The following CADM2 variants were observed in gnomAD, a reference collection of about 807,000 sequenced individuals.
The protein encoded by CADM2 is immunoglobulin superfamily member 4D.
Under a neutral mutation model 49.8 loss-of-function variants are expected in CADM2, and 12 were observed. That is an observed-to-expected ratio of 0.24 (90% confidence interval 0.15 to 0.39). CADM2 has a LOEUF of 0.39. CADM2 is among the 10% of genes least tolerant of loss of function. The pLI, the probability that CADM2 is intolerant of heterozygous loss-of-function variation, is 1.00. For synonymous variants in CADM2, 214 were observed against 175.4 expected, an observed-to-expected ratio of 1.22 and a Z score of -1.74; for missense variants, 378 against 492.3, an observed-to-expected ratio of 0.77 and a Z score of 2.20.
intron 1 of CADM2, among the ~76,000 whole-genome samples, chr3:85,275,387 T>A (rs1042583644): frequency 5.3e-5 from 8 of 151,618 alleles, no homozygotes; most frequent in Middle Eastern, 3.4e-3. Flanking sequence ...TCCCGCTGTT[T>A]ATGATTCATT....
intron 1 of CADM2, among the ~76,000 whole-genome samples, chr3:85,243,485 T>C (rs1416148521): frequency 6.6e-6 from 1 of 152,070 alleles, no homozygotes; most frequent in Admixed American, 6.6e-5. Flanking sequence ...TCTTGTCAAG[T>C]GGTACTTCTT....
intron 1 of CADM2, among the ~76,000 whole-genome samples, chr3:85,012,047 C>A (rs1215724235): frequency 6.7e-6 from 1 of 150,358 alleles, no homozygotes; most frequent in African/African-American, 2.4e-5. Flanking sequence ...AGAGTTTAGC[C>A]ATTGAGATAT....
At chr3:85,219,049 A>T (rs1349665743) in intron 1 of CADM2, among the ~76,000 whole-genome samples, 1 of 152,188 alleles carries the variant, frequency 6.6e-6, no homozygotes, top group Non-Finnish European at 1.5e-5. Context: ...AAACTTGAAG[A>T]CTTATCTCAA....
rs7642910 is a variant in CADM2 at position 85,005,677 on chromosome 3, G to A, written c.61+46009G>A. 6.3e-3 allele frequency among the ~76,000 whole-genome samples: 962 copies of A among 151,498 alleles called. 16 individuals are homozygous for A. The highest frequency in any genetic ancestry group is 0.022 in the African/African-American group (920 of 41,312). On this transcript the variant is annotated intron_variant, in intron 1 of 9. Transcript: ENST00000383699. ...GAGTTGTTTTACCAAGAAGCAGATG[G>A]TTCTAAGATCTGATAAAAAAAAAAA...
chr3:85,917,966 G>C (rs1472145174), intron 6 of CADM2, among the ~76,000 whole-genome samples: 3 of 152,150 alleles, frequency 2.0e-5, no homozygotes, highest in Non-Finnish European at 4.4e-5. Context: ...TTGGCTCTCT[G>C]TCTGTTATTG....
intron 1 of CADM2, among the ~76,000 whole-genome samples, chr3:85,466,201 CA>C (rs1456978030): frequency 6.6e-6 from 1 of 152,114 alleles, no homozygotes; most frequent in Non-Finnish European, 1.5e-5. Context: ...GTTAAAATCT[CA>C]TCTATTATTT....
chr3:85,365,199 C>CTT (rs397962829), intron 1 of CADM2, among the ~76,000 whole-genome samples: 4,819 of 104,658 alleles, frequency 0.046, 430 homozygotes, highest in African/African-American at 0.16. Context: ...TTTTTTTTTA[C>CTT]TTTTTTTTTT....
intron 1 of CADM2, among the ~76,000 whole-genome samples, chr3:85,295,326 C>T (rs1169269582): frequency 6.6e-6 from 1 of 152,026 alleles, no homozygotes; most frequent in East Asian, 1.9e-4. Flanking sequence ...AATAGGAACA[C>T]TTTTACACTG....
intron 1 of CADM2, among the ~76,000 whole-genome samples, chr3:85,132,642 A>ATTTT (rs201881387): frequency 0.074 from 11,227 of 151,578 alleles, 792 homozygotes; most frequent in Admixed American, 0.22. Flanking sequence ...ATATATATAT[A>ATTTT]TTTAGTCATT....
intron 5 of CADM2, among the ~76,000 whole-genome samples, chr3:85,886,692 G>T (rs889538695): frequency 1.3e-5 from 2 of 152,090 alleles, no homozygotes; most frequent in African/African-American, 4.8e-5. Flanking sequence ...TAAAGACAGA[G>T]AAACTGTATA....
intron 1 of CADM2, among the ~76,000 whole-genome samples, chr3:85,142,738 T>G (rs963214854): frequency 6.6e-6 from 1 of 152,164 alleles, no homozygotes; most frequent in Admixed American, 6.5e-5. Flanking sequence ...ACTGAATCTC[T>G]TCATGGAAAA....
At chr3:85,788,870 G>A (rs1324364656) in intron 2 of CADM2, among the ~76,000 whole-genome samples, 4 of 151,532 alleles carry the variant, frequency 2.6e-5, no homozygotes, top group Non-Finnish European at 2.9e-5. Flanking sequence ...ATAGATTTTT[G>A]TCATTTCATT....
intron 1 of CADM2, among the ~76,000 whole-genome samples, chr3:84,998,991 A>G (rs556345344): frequency 2.0e-5 from 3 of 152,306 alleles, no homozygotes; most frequent in East Asian, 3.9e-4. Flanking sequence ...AAGATTTTTC[A>G]TCAAAAAGCT....
At chr3:85,494,901 A>G (rs190664700) in intron 1 of CADM2, among the ~76,000 whole-genome samples, 1 of 152,310 alleles carries the variant, frequency 6.6e-6, no homozygotes, top group Non-Finnish European at 1.5e-5. Flanking sequence ...AACACCAATC[A>G]ACCAGAGGAT....
intron 1 of CADM2, among the ~76,000 whole-genome samples, chr3:85,435,411 C>A (rs1443274048): frequency 6.6e-6 from 1 of 152,108 alleles, no homozygotes; most frequent in Non-Finnish European, 1.5e-5. Context: ...TTTATCCAGT[C>A]TATCATCGAT....
intron 1 of CADM2, among the ~76,000 whole-genome samples, chr3:85,011,676 C>G (rs190646731): frequency 1.3e-4 from 20 of 151,864 alleles, no homozygotes; most frequent in South Asian, 6.2e-4. Flanking sequence ...ACAGGAGGAT[C>G]GCTCGAGCTC....
chr3:85,612,381 T>C (rs1218584803), intron 1 of CADM2, among the ~76,000 whole-genome samples: 2 of 151,852 alleles, frequency 1.3e-5, no homozygotes, highest in African/African-American at 2.4e-5. Context: ...TCTAATTCCA[T>C]TTTCTTGCAA....
At chr3:85,263,353 C>CACATACACATA (rs1383676685) in intron 1 of CADM2, among the ~76,000 whole-genome samples, 1 of 152,122 alleles carries the variant, frequency 6.6e-6, no homozygotes, top group Non-Finnish European at 1.5e-5. Context: ...GAAACACACA[C>CACATACACATA]ACATACACAT....
At chr3:85,226,712 T>C (rs1396296281) in intron 1 of CADM2, among the ~76,000 whole-genome samples, 1 of 152,082 alleles carries the variant, frequency 6.6e-6, no homozygotes, top group Non-Finnish European at 1.5e-5. Flanking sequence ...TCTTTTAATT[T>C]TGATGTTAGA....
Sources: gnomAD v4.1 joint callset for allele counts (sites outside exome capture counted in the v4.1 genomes callset) on GRCh38, gnomAD v4.1.1 for gene constraint, MANE v1.5 for transcripts, NCBI Gene and HGNC (gene_info 2026-07-23, HGNC 2026-07-21) for gene names.